Variants in GPBP1 observed in about 807,000 individuals in gnomAD.
GPBP1 encodes vasculin.
A neutral mutation model predicts 56.5 loss-of-function variants in GPBP1; 13 were observed. The observed-to-expected ratio is 0.23, with a 90% CI of 0.15 to 0.37. The LOEUF is 0.37. Ranked by LOEUF, GPBP1 falls within the 10% of genes least tolerant of loss-of-function variation. The pLI, the probability that GPBP1 is intolerant of heterozygous loss-of-function variation, is 1.00. For synonymous variants in GPBP1, 204 were observed against 188.9 expected (o/e 1.08, Z -0.66); for missense variants, 477 against 572.3 (o/e 0.83, Z 1.70).
At chr5:57,237,754 A>G (rs1740604549) in intron 6 of GPBP1, among the ~76,000 whole-genome samples, 1 of 152,140 alleles carries the variant, frequency 6.6e-6, no homozygotes, top group Admixed American at 6.6e-5. Flanking sequence ...CCTGAGGAAG[A>G]CGAGAATTTT....
chr5:57,235,533 T>C (rs1329246903), intron 5 of GPBP1, among the ~76,000 whole-genome samples: 1 of 152,152 alleles, frequency 6.6e-6, no homozygotes, highest in Non-Finnish European at 1.5e-5. Context: ...TAGTTATGGA[T>C]AAGGAAACTT....
chr5:57,200,514 T>C (rs2111691867), intron 2 of GPBP1, among the ~76,000 whole-genome samples: 1 of 151,712 alleles, frequency 6.6e-6, no homozygotes, highest in East Asian at 2.0e-4. Flanking sequence ...ATTACAGGCA[T>C]GCGCCACCAT....
chr5:57,208,855 A>G (rs1755354197), intron 2 of GPBP1, among the ~76,000 whole-genome samples: 1 of 151,522 alleles, frequency 6.6e-6, no homozygotes, highest in Non-Finnish European at 1.5e-5. Flanking sequence ...GGGTTTCACC[A>G]TGTTGGCCAG....
At chr5:57,252,928 C>G (rs926860025) in intron 10 of GPBP1, among the ~76,000 whole-genome samples, 2 of 152,002 alleles carry the variant, frequency 1.3e-5, no homozygotes, top group Non-Finnish European at 2.9e-5. Context: ...AGGCTGTTCT[C>G]GAATTCCTGA....
intron 3 of GPBP1, among the ~76,000 whole-genome samples, chr5:57,226,908 T>A (rs1036670043): frequency 1.3e-5 from 2 of 151,712 alleles, no homozygotes; most frequent in South Asian, 2.1e-4. Context: ...CCTGACTAAT[T>A]TTTTGTATTT....
chr5:57,227,530 A>G (rs992694149), intron 3 of GPBP1, among the ~76,000 whole-genome samples: 1 of 152,138 alleles, frequency 6.6e-6, no homozygotes, highest in Non-Finnish European at 1.5e-5. Context: ...AGAATGCAAA[A>G]TCTTGACTAC....
At chr5:57,232,240 G>A (rs1460954786) in intron 5 of GPBP1, among the ~76,000 whole-genome samples, 5 of 152,040 alleles carry the variant, frequency 3.3e-5, no homozygotes, top group Non-Finnish European at 5.9e-5. Context: ...CTCCGACCTC[G>A]GCCTCCCAAA....
At chr5:57,184,824 T>C (rs1754213833) in intron 2 of GPBP1, among the ~76,000 whole-genome samples, 1 of 152,262 alleles carries the variant, frequency 6.6e-6, no homozygotes, top group African/African-American at 2.4e-5. Flanking sequence ...AGTATCGATG[T>C]CCTTTCCTAT....
At chr5:57,243,805 C>T (rs1261280305) in intron 6 of GPBP1, among the ~76,000 whole-genome samples, 1 of 151,676 alleles carries the variant, frequency 6.6e-6, no homozygotes, top group Non-Finnish European at 1.5e-5. Flanking sequence ...CTATGTCAGC[C>T]CCCCAAGTAG....
chr5:57,245,452 G>C (rs943242182), intron 6 of GPBP1: 1 of 152,154 alleles, frequency 6.6e-6, no homozygotes, highest in African/African-American at 2.4e-5. Flanking sequence ...AATCATTACA[G>C]ATATCTACCC....
At chr5:57,225,662 C>CATT (rs1756155162) in intron 3 of GPBP1, among the ~76,000 whole-genome samples, 1 of 152,152 alleles carries the variant, frequency 6.6e-6, no homozygotes, top group Non-Finnish European at 1.5e-5. Flanking sequence ...TTGAGAAACA[C>CATT]ATTACCCCAG....
chr5:57,191,025 C>CTTT (rs1754501735), intron 2 of GPBP1, among the ~76,000 whole-genome samples: 1 of 152,034 alleles, frequency 6.6e-6, no homozygotes, highest in Non-Finnish European at 1.5e-5. Flanking sequence ...ATCTGCCCGC[C>CTTT]TTGGCCTCCC....
At chr5:57,247,621 G>C (rs568102522) in intron 8 of GPBP1, among the ~76,000 whole-genome samples, 2 of 152,238 alleles carry the variant, frequency 1.3e-5, no homozygotes, top group African/African-American at 4.8e-5. Context: ...GAATGTCAAG[G>C]CTGCAGCAAG....
chr5:57,197,377 T>TG (rs11374213), intron 2 of GPBP1, among the ~76,000 whole-genome samples: 1 of 149,910 alleles, frequency 6.7e-6, no homozygotes, highest in East Asian at 1.9e-4. Flanking sequence ...TTTTTTTTTT[T>TG]GGACAGTCTC....
chr5:57,192,570 A>G (rs1487487463), intron 2 of GPBP1, among the ~76,000 whole-genome samples: 8 of 151,970 alleles, frequency 5.3e-5, no homozygotes, highest in Admixed American at 5.2e-4. Context: ...CCTGACCAAC[A>G]TGGAGAAACT....
In GPBP1 at chr5:57,229,230, CAAAAAAAA is replaced by C. The variant is rs543005934; in HGVS notation, c.64-1586_64-1579del. Among the ~76,000 whole-genome samples, 45 of 77,418 alleles carry C rather than the reference CAAAAAAAA, an allele frequency of 5.8e-4. 1 individual carries two copies. Among genetic ancestry groups the C allele is most frequent in the African/African-American group, 1.9e-3 (37 of 19,866 alleles). 50.8% of individuals were successfully genotyped at this position (77,418 alleles called of 152,430 possible). A position where few individuals can be genotyped will look rare whatever the true frequency, so the allele number is the denominator to read the frequency against. Reference sequence around the variant, plus strand: ...TGGGCGACAGAACAAGACTCCATCTCAAAAAAAAAAAAAAAAAAAAAAAAAAAAAAAAA... The same window carrying C: ...TGGGCGACAGAACAAGACTCCATCTCAAAAAAAAAAAAAAAAAAAAAAAAA... On this transcript the variant is annotated intron_variant, in intron 3 of 11. Transcript: ENST00000506184.
chr5:57,247,251 A>G (rs79762564), intron 8 of GPBP1, 36 bp downstream of exon 8: 63 of 1,527,406 alleles, frequency 4.1e-5, no homozygotes, highest in Non-Finnish European at 5.4e-5. Context: ...GGAATGTAAC[A>G]TTTTAATTAT....
chr5:57,185,277 T>A (rs1377491788), intron 2 of GPBP1, among the ~76,000 whole-genome samples: 3 of 148,812 alleles, frequency 2.0e-5, no homozygotes, highest in Non-Finnish European at 4.5e-5. Flanking sequence ...TTTTTTTTTT[T>A]AAAGACAGAG....
intron 2 of GPBP1, among the ~76,000 whole-genome samples, chr5:57,209,104 C>G (rs569292944): frequency 5.3e-5 from 8 of 152,030 alleles, no homozygotes; most frequent in African/African-American, 1.9e-4. Flanking sequence ...AGTTGTTTTC[C>G]TAATTTCTTT....
Sources: allele counts gnomAD v4.1 joint callset (sites outside exome capture counted in the v4.1 genomes callset), GRCh38; gene constraint gnomAD v4.1.1; transcripts MANE v1.5; gene names NCBI Gene and HGNC (gene_info 2026-07-23, HGNC 2026-07-21).